GOLGB1: variants seen among roughly 807,000 people sequenced by gnomAD.
The protein encoded by GOLGB1 is golgin subfamily B member 1.
Under a neutral mutation model 336.9 loss-of-function variants are expected in GOLGB1, and 174 were observed. The observed-to-expected ratio is 0.52, with a 90% CI of 0.46 to 0.59. GOLGB1 has a LOEUF of 0.59. Among genes scored for constraint, GOLGB1 ranks in the 20% least tolerant of loss-of-function variants. GOLGB1 has a pLI of 0.00. For synonymous variants in GOLGB1, 1,208 were observed against 1,289.2 expected (o/e 0.94, Z 1.35); for missense variants, 3,331 against 3,645.3 (o/e 0.91, Z 2.22).
intron 1 of GOLGB1, among the ~76,000 whole-genome samples, chr3:121,747,369 G>GTGTA (rs1947421057): frequency 1.5e-5 from 2 of 132,254 alleles, no homozygotes; most frequent in African/African-American, 6.3e-5. Context: ...GTATATATAC[G>GTGTA]TATATGTCTA....
intron 11 of GOLGB1, among the ~76,000 whole-genome samples, chr3:121,701,092 G>C (rs1943365546): frequency 6.6e-6 from 1 of 152,140 alleles, no homozygotes; most frequent in South Asian, 2.1e-4. Flanking sequence ...AAGGAGTACA[G>C]TGGTAGAAAT....
At chr3:121,675,671 A>G (rs1940276038) in intron 17 of GOLGB1, among the ~76,000 whole-genome samples, 1 of 152,228 alleles carries the variant, frequency 6.6e-6, no homozygotes, top group Non-Finnish European at 1.5e-5. Flanking sequence ...CTGGGTGCTG[A>G]TTATATGGGT....
At chr3:121,738,686 T>G (rs1198860928) in intron 1 of GOLGB1, among the ~76,000 whole-genome samples, 1 of 152,190 alleles carries the variant, frequency 6.6e-6, no homozygotes, top group Non-Finnish European at 1.5e-5. Context: ...TGGACCTTTA[T>G]TAATTCTCAG....
intron 14 of GOLGB1, among the ~76,000 whole-genome samples, chr3:121,686,040 C>G (rs1031056532): frequency 6.6e-6 from 1 of 152,064 alleles, no homozygotes; most frequent in Non-Finnish European, 1.5e-5. Flanking sequence ...GTGAACTGGA[C>G]GTAATTCTTT....
chr3:121,749,240 T>C (rs1198415316), intron 1 of GOLGB1: 2 of 152,378 alleles, frequency 1.3e-5, no homozygotes, highest in East Asian at 3.8e-4. Context: ...CCCAGCAGGT[T>C]CTTTCCGACG....
chr3:121,688,898 C>T (rs1451715632), intron 14 of GOLGB1, among the ~76,000 whole-genome samples: 5 of 149,180 alleles, frequency 3.4e-5, no homozygotes, highest in Non-Finnish European at 7.4e-5. Context: ...AGTGAGGAGA[C>T]CCTCCGCCTG....
intron 1 of GOLGB1, among the ~76,000 whole-genome samples, chr3:121,740,081 G>A (rs1946747576): frequency 6.6e-6 from 1 of 152,190 alleles, no homozygotes; most frequent in African/African-American, 2.4e-5. Flanking sequence ...GGAAGTGACT[G>A]TGGTCATAAC....
intron 10 of GOLGB1, among the ~76,000 whole-genome samples, chr3:121,711,544 T>G (rs1278701707): frequency 6.6e-6 from 1 of 152,142 alleles, no homozygotes; most frequent in African/African-American, 2.4e-5. Flanking sequence ...AAGTAAAATT[T>G]GTCTTTATTT....
At chr3:121,735,270 A>C (rs985737423) in intron 1 of GOLGB1, among the ~76,000 whole-genome samples, 1 of 152,208 alleles carries the variant, frequency 6.6e-6, no homozygotes, top group Non-Finnish European at 1.5e-5. Flanking sequence ...CAAAGAGCAA[A>C]CATAATTGTA....
chr3:121,676,562 G>A (rs1295465011), intron 17 of GOLGB1, among the ~76,000 whole-genome samples: 2 of 152,286 alleles, frequency 1.3e-5, no homozygotes, highest in Non-Finnish European at 1.5e-5. Context: ...AACAACAGGA[G>A]GACAATTCTT....
chr3:121,729,213 G>A lies in GOLGB1; in HGVS notation c.377C>T (p.Pro126Leu). 2 of 1,609,240 alleles carry A rather than the reference G, an allele frequency of 1.2e-6. No homozygotes were observed. Among genetic ancestry groups the A allele is most frequent in the South Asian group, 1.1e-5 (1 of 89,930 alleles). Residue 126 changes from proline to leucine, a missense_variant, in exon 4 of 22, where the codon CCT (proline) becomes CTT (leucine). Pro to Leu is a moderately conservative substitution (Grantham distance 98). Transcript: ENST00000614479. Reference sequence around the variant, plus strand: ...CTTGGAAAGTTGCTCCTCTGACTGAGGTTCTGTAGGCAGAACAGTCCCTCC... The same window carrying A: ...CTTGGAAAGTTGCTCCTCTGACTGAAGTTCTGTAGGCAGAACAGTCCCTCC... The part of the protein sequence containing the change: ...AQGGTVLPTE[P>L]QSEEQLSKHD...
At chr3:121,687,558 T>C (rs1236869678) in intron 14 of GOLGB1, among the ~76,000 whole-genome samples, 3 of 152,192 alleles carry the variant, frequency 2.0e-5, no homozygotes, top group Non-Finnish European at 4.4e-5. Context: ...TACATCTTGA[T>C]GGTTAAAATA....
intron 9 of GOLGB1, among the ~76,000 whole-genome samples, chr3:121,715,369 ATTTTTTTT>A (rs373634444): frequency 1.6e-4 from 21 of 128,594 alleles, no homozygotes; most frequent in Admixed American, 3.1e-4. Context: ...TGCCTGGCTA[ATTTTTTTT>A]TTTTTTTTTT....
At chr3:121,680,608 C>T (rs1940959545) in intron 15 of GOLGB1, among the ~76,000 whole-genome samples, 1 of 152,052 alleles carries the variant, frequency 6.6e-6, no homozygotes, top group South Asian at 2.1e-4. Context: ...AAGCAGAGAA[C>T]TTGAAAATCA....
At position 121,748,308 on chromosome 3, in the gene GOLGB1, T is replaced by TA. The variant is rs557027579; in HGVS notation, c.-3+1323_-3+1324insT. Among the ~76,000 whole-genome samples, 731 of 152,300 alleles carry TA rather than the reference T, an allele frequency of 4.8e-3. 3 individuals carry two copies. Among genetic ancestry groups the TA allele is most frequent in the Middle Eastern group, 0.017 (5 of 294 alleles). The stretch of plus-strand genomic sequence containing the variant: ...CATATTTCATATTATACACAACATA[T>TA]TTACAGTGGTAGTCATACACTATAA... On this transcript the variant is annotated intron_variant, in intron 1 of 21. Transcript: ENST00000614479.
At chr3:121,683,924 T>C (rs554330244) in intron 14 of GOLGB1, among the ~76,000 whole-genome samples, 75 of 151,882 alleles carry the variant, frequency 4.9e-4, no homozygotes, top group South Asian at 2.3e-3. Context: ...GGTCAAGAGA[T>C]CGAGACCATC....
chr3:121,747,350 TGTATATACGTATATATAC>T (rs1947413070), intron 1 of GOLGB1, among the ~76,000 whole-genome samples: 1 of 145,146 alleles, frequency 6.9e-6, no homozygotes, highest in Non-Finnish European at 1.5e-5. Context: ...TATATATATG[TGTATATACGTATATATAC>T]GTATATGTCT....
chr3:121,696,242 G>A lies in GOLGB1; in HGVS notation c.4281C>T (p.Leu1427=). Residue 1427 remains leucine, a synonymous_variant, in exon 13 of 22, where the codon CTC becomes CTT. Transcript: ENST00000614479. Reference sequence around the variant, plus strand: ...CTATTATCTCTGTCTGTATTTTAGTGAGAGCTGCTTCTTTCTCACTAAGTT... The same window carrying A: ...CTATTATCTCTGTCTGTATTTTAGTAAGAGCTGCTTCTTTCTCACTAAGTT... ...SGQLSEKEAA[L]TKIQTEIIEQ... 1 of 1,613,984 alleles carries A rather than the reference G, an allele frequency of 6.2e-7. No individual in the cohort carries two copies. Among genetic ancestry groups the A allele is most frequent in the Non-Finnish European group, 8.5e-7 (1 of 1,179,960 alleles).
At chr3:121,686,861 A>C (rs1941788760) in intron 14 of GOLGB1, among the ~76,000 whole-genome samples, 1 of 152,214 alleles carries the variant, frequency 6.6e-6, no homozygotes, top group African/African-American at 2.4e-5. Flanking sequence ...TGCTGAAGAT[A>C]ATATGGGTAA....
Sources: gnomAD v4.1 joint callset for allele counts (sites outside exome capture counted in the v4.1 genomes callset) on GRCh38, gnomAD v4.1.1 for gene constraint, MANE v1.5 for transcripts, NCBI Gene and HGNC (gene_info 2026-07-23, HGNC 2026-07-21) for gene names.